Variants in WWOX observed in about 807,000 individuals in gnomAD.
The protein encoded by WWOX is WW domain containing oxidoreductase.
Under a neutral mutation model 46.2 loss-of-function variants are expected in WWOX, and 69 were observed. The observed-to-expected ratio is 1.49, with a 90% CI of 1.23 to 1.82. The LOEUF is 1.82. Among genes scored for constraint, WWOX ranks in the 40% most tolerant of loss-of-function variants. WWOX has a pLI of 0.00. For synonymous variants in WWOX, 359 were observed against 202.6 expected, an observed-to-expected ratio of 1.77 and a Z score of -6.56; for missense variants, 919 against 542.6, an observed-to-expected ratio of 1.69 and a Z score of -6.89.
At chr16:78,574,903 GTTAA>G (rs1160571805) in intron 8 of WWOX, among the ~76,000 whole-genome samples, 1 of 145,922 alleles carries the variant, frequency 6.9e-6, no homozygotes, top group Non-Finnish European at 1.5e-5. Context: ...TGATGGATGT[GTTAA>G]TTAATTCGAT....
intron 8 of WWOX, among the ~76,000 whole-genome samples, chr16:78,739,001 G>C (rs1465059700): frequency 1.6e-4 from 24 of 152,134 alleles, no homozygotes; most frequent in Non-Finnish European, 5.9e-5. Flanking sequence ...TGATAGGATA[G>C]AATTCAACAA....
At chr16:78,772,046 T>C (rs2050077430) in intron 8 of WWOX, among the ~76,000 whole-genome samples, 1 of 152,216 alleles carries the variant, frequency 6.6e-6, no homozygotes, top group Non-Finnish European at 1.5e-5. Flanking sequence ...ATTCTTTTTT[T>C]AACTTTTATT....
chr16:78,583,159 C>T (rs1242689946), intron 8 of WWOX, among the ~76,000 whole-genome samples: 3 of 152,246 alleles, frequency 2.0e-5, no homozygotes, highest in East Asian at 1.9e-4. Context: ...ATTGGGGTGT[C>T]TTGTAATGCA....
chr16:78,417,156 A>G lies in WWOX; in HGVS notation c.606-7714A>G, dbSNP rs577697625. On this transcript the variant is annotated intron_variant, in intron 6 of 8. Coordinates refer to ENST00000566780, the MANE Select transcript of WWOX (RefSeq NM_016373.4). ...GGGGTGATTACAGCTCACTGCAGCCACAACCTCCCAGGTTCAAGAGATCCT... is the reference window on the plus strand; with the variant it reads ...GGGGTGATTACAGCTCACTGCAGCCGCAACCTCCCAGGTTCAAGAGATCCT... 9.9e-5 allele frequency among the ~76,000 whole-genome samples: 15 copies of G among 152,088 alleles called. No homozygotes were observed. In the South Asian group the frequency reaches 2.7e-3, roughly 27 times the overall value.
chr16:79,195,348 A>C (rs377109243), intron 8 of WWOX, among the ~76,000 whole-genome samples: 17 of 152,068 alleles, frequency 1.1e-4, no homozygotes, highest in African/African-American at 4.1e-4. Flanking sequence ...TCCCAAGGAA[A>C]CTCTGAAGCT....
intron 8 of WWOX, among the ~76,000 whole-genome samples, chr16:78,772,653 C>G (rs557012701): frequency 4.3e-4 from 66 of 152,266 alleles, no homozygotes; most frequent in African/African-American, 1.5e-3. Flanking sequence ...TAGCTAATTC[C>G]AGGCTTCAAG....
At chr16:78,156,936 G>T (rs1158997115) in intron 4 of WWOX, among the ~76,000 whole-genome samples, 4 of 152,156 alleles carry the variant, frequency 2.6e-5, no homozygotes, top group South Asian at 4.1e-4. Context: ...GTCTCAGTCA[G>T]TCAATCAGTC....
At chr16:78,101,720 A>C (rs975106007) in intron 1 of WWOX, among the ~76,000 whole-genome samples, 2 of 152,166 alleles carry the variant, frequency 1.3e-5, no homozygotes, top group Non-Finnish European at 2.9e-5. Context: ...GATGTGAACC[A>C]CTGCTGCCTT....
intron 8 of WWOX, among the ~76,000 whole-genome samples, chr16:79,177,474 C>G (rs1055599569): frequency 6.6e-6 from 1 of 152,162 alleles, no homozygotes. Context: ...AAAAGCAACC[C>G]AACAAAGCTT....
chr16:78,987,160 C>T (rs1381570506), intron 8 of WWOX, among the ~76,000 whole-genome samples: 1 of 152,222 alleles, frequency 6.6e-6, no homozygotes, highest in African/African-American at 2.4e-5. Flanking sequence ...TTCAGAAGCA[C>T]ACGGGAGGTC....
At position 78,558,076 on chromosome 16, in the gene WWOX, G is replaced by A. The variant is rs183286720; in HGVS notation, c.1056+125324G>A. Among the ~76,000 whole-genome samples the A allele has an allele frequency of 1.5e-3, 235 of 152,246 alleles. 1 individual carries two copies. The highest frequency in any genetic ancestry group is 5.2e-3 in the African/African-American group (217 of 41,554). ...TTGTTGACTAACTTAGGTCACAGAT[G>A]TGGGGCTGTGATTCTGAAGGCCCCG... On this transcript the variant is annotated intron_variant, in intron 8 of 8. Coordinates refer to ENST00000566780, the MANE Select transcript of WWOX (RefSeq NM_016373.4).
At chr16:78,865,881 A>G (rs2656635) in intron 8 of WWOX, among the ~76,000 whole-genome samples, 81,340 of 152,110 alleles carry the variant, frequency 0.53, 22,212 homozygotes, top group Middle Eastern at 0.64. Context: ...CCGTCTCAAA[A>G]AATAAACAAG....
intron 8 of WWOX, among the ~76,000 whole-genome samples, chr16:78,789,417 A>G (rs1474453515): frequency 6.6e-6 from 1 of 152,176 alleles, no homozygotes; most frequent in Non-Finnish European, 1.5e-5. Context: ...TTCTTTCTCT[A>G]TTAAATGGTC....
At chr16:78,568,262 C>T (rs776196423) in intron 8 of WWOX, among the ~76,000 whole-genome samples, 13 of 151,834 alleles carry the variant, frequency 8.6e-5, no homozygotes, top group Non-Finnish European at 1.3e-4. Context: ...ATATGAGGTA[C>T]GGGATGAAGA....
At chr16:78,929,928 G>C (rs1479532936) in intron 8 of WWOX, among the ~76,000 whole-genome samples, 2 of 152,156 alleles carry the variant, frequency 1.3e-5, no homozygotes, top group Non-Finnish European at 2.9e-5. Flanking sequence ...GTACACGGTA[G>C]TTCAGGATAA....
At chr16:78,396,662 A>C (rs760219910) in intron 6 of WWOX, among the ~76,000 whole-genome samples, 35 of 152,220 alleles carry the variant, frequency 2.3e-4, no homozygotes, top group Non-Finnish European at 4.7e-4. Flanking sequence ...AATAATGATT[A>C]TGTAAAGCAC....
chr16:78,916,617 A>T (rs2045258085), intron 8 of WWOX, among the ~76,000 whole-genome samples: 1 of 152,232 alleles, frequency 6.6e-6, no homozygotes, highest in Admixed American at 6.5e-5. Flanking sequence ...ATAAATTGGG[A>T]TTGGCCTAGA....
chr16:78,595,884 A>C (rs1393580177), intron 8 of WWOX, among the ~76,000 whole-genome samples: 3 of 152,258 alleles, frequency 2.0e-5, no homozygotes, highest in Non-Finnish European at 4.4e-5. Context: ...AGGGCACCAG[A>C]ATTTATTTTT....
At chr16:78,535,952 T>G (rs1175091822) in intron 8 of WWOX, among the ~76,000 whole-genome samples, 1 of 152,178 alleles carries the variant, frequency 6.6e-6, no homozygotes, top group Non-Finnish European at 1.5e-5. Context: ...CAAAATTCGT[T>G]GCATAGCACC....
Sources: allele counts gnomAD v4.1 joint callset (sites outside exome capture counted in the v4.1 genomes callset), GRCh38; gene constraint gnomAD v4.1.1; transcripts MANE v1.5; gene names NCBI Gene and HGNC (gene_info 2026-07-23, HGNC 2026-07-21).